Variants in CATSPERT observed in about 807,000 individuals in gnomAD.
CATSPERT encodes the protein catsper channel auxiliary subunit tau.
chr2:201,584,554 G>T, the CATSPERT span, among the ~76,000 whole-genome samples: 1 of 152,254 alleles, frequency 6.6e-6, no homozygotes, highest in South Asian at 2.1e-4. Flanking sequence ...GGAGGCCGAG[G>T]TGGGTGAATC....
chr2:201,539,464 T>G, the CATSPERT span, among the ~76,000 whole-genome samples: 2 of 152,056 alleles, frequency 1.3e-5, no homozygotes, highest in African/African-American at 4.8e-5. Context: ...ATGTGTGTCT[T>G]CTTTTGAAAA....
At chr2:201,581,836 G>A in the CATSPERT span, among the ~76,000 whole-genome samples, 6 of 151,396 alleles carry the variant, frequency 4.0e-5, no homozygotes, top group East Asian at 1.9e-4. Context: ...TCGAACTCCC[G>A]ACCTCAGTTG....
the CATSPERT span, chr2:201,495,974 TA>T: frequency 1.9e-6 from 3 of 1,549,088 alleles, no homozygotes; most frequent in African/African-American, 1.4e-5. Flanking sequence ...AGCCACCTTA[TA>T]AAAAAAGAAG....
the CATSPERT span, among the ~76,000 whole-genome samples, chr2:201,593,864 A>C: frequency 2.0e-5 from 3 of 151,750 alleles, no homozygotes; most frequent in South Asian, 2.1e-4. Flanking sequence ...TTTTGAGCCT[A>C]TGTGTGTCTC....
At chr2:201,510,524 GC>G in the CATSPERT span, among the ~76,000 whole-genome samples, 1 of 152,268 alleles carries the variant, frequency 6.6e-6, no homozygotes, top group East Asian at 1.9e-4. Context: ...CATCCTTGTA[GC>G]CTCTGAGGCA....
the CATSPERT span, chr2:201,550,000 A>G: frequency 6.6e-6 from 1 of 152,178 alleles, no homozygotes; most frequent in Non-Finnish European, 1.5e-5. Flanking sequence ...AATCCCTACA[A>G]CAGACCTTAA....
chr2:201,502,292 G>A, the CATSPERT span, among the ~76,000 whole-genome samples: 1 of 152,040 alleles, frequency 6.6e-6, no homozygotes, highest in African/African-American at 2.4e-5. Context: ...AAGAAGTCTG[G>A]GCCGGGTGCA....
At chr2:201,515,380 G>A in the CATSPERT span, among the ~76,000 whole-genome samples, 1 of 151,458 alleles carries the variant, frequency 6.6e-6, no homozygotes, top group Non-Finnish European at 1.5e-5. Context: ...GACCACAGGT[G>A]TGTACCACCA....
chr2:201,535,629 C>T, the CATSPERT span: 1 of 1,120,958 alleles, frequency 8.9e-7, no homozygotes. Flanking sequence ...ATTTGTATTA[C>T]TGGCATCTCA....
the CATSPERT span, among the ~76,000 whole-genome samples, chr2:201,599,421 C>T: frequency 6.6e-6 from 1 of 152,064 alleles, no homozygotes; most frequent in African/African-American, 2.4e-5. Flanking sequence ...AATATTATCT[C>T]TCAATTCTCC....
the CATSPERT span, among the ~76,000 whole-genome samples, chr2:201,510,699 C>T: frequency 6.0e-5 from 9 of 151,248 alleles, no homozygotes; most frequent in South Asian, 2.1e-4. Context: ...TAAGTTCTTA[C>T]GTCATATTAA....
the CATSPERT span, among the ~76,000 whole-genome samples, chr2:201,556,559 G>A: frequency 0.055 from 8,289 of 151,398 alleles, 271 homozygotes; most frequent in African/African-American, 0.08. Context: ...TAAGTGTTTG[G>A]CTCACATCTG....
the CATSPERT span, among the ~76,000 whole-genome samples, chr2:201,517,006 A>G: frequency 2.5e-4 from 38 of 150,606 alleles, no homozygotes; most frequent in Non-Finnish European, 4.9e-4. Flanking sequence ...CTGCCTCCGG[A>G]AAGCTCCCAG....
chr2:201,608,536 G>T, the CATSPERT span, among the ~76,000 whole-genome samples: 3 of 152,110 alleles, frequency 2.0e-5, no homozygotes, highest in African/African-American at 4.8e-5. Context: ...AAGAAAATAC[G>T]CTGGACACAG....
the CATSPERT span, among the ~76,000 whole-genome samples, chr2:201,605,448 A>G: frequency 1.3e-5 from 2 of 152,192 alleles, no homozygotes; most frequent in Admixed American, 6.5e-5. Flanking sequence ...AAAGAAGGAT[A>G]TAAGAGGGGA....
the CATSPERT span, among the ~76,000 whole-genome samples, chr2:201,581,512 A>C: frequency 1.1e-5 from 1 of 93,032 alleles, no homozygotes; most frequent in Non-Finnish European, 2.1e-5. Context: ...ATATATATAT[A>C]TATATATATA....
the CATSPERT span, chr2:201,494,680 T>C: frequency 6.5e-7 from 1 of 1,535,040 alleles, no homozygotes; most frequent in Non-Finnish European, 8.7e-7. Context: ...GTATATATCT[T>C]GATCTTTTCT....
chr2:201,526,154 C>CACA, the CATSPERT span, among the ~76,000 whole-genome samples: 5 of 152,096 alleles, frequency 3.3e-5, no homozygotes, highest in South Asian at 2.1e-4. Flanking sequence ...CTAGCAGAGA[C>CACA]ACAACAACAA....
At chr2:201,617,276 C>G in the CATSPERT span, among the ~76,000 whole-genome samples, 1 of 152,194 alleles carries the variant, frequency 6.6e-6, no homozygotes, top group Non-Finnish European at 1.5e-5. Flanking sequence ...AAGAACAAAG[C>G]TGGAGGCATC....
Sources: allele counts gnomAD v4.1 joint callset (sites outside exome capture counted in the v4.1 genomes callset), GRCh38; gene constraint gnomAD v4.1.1; transcripts MANE v1.5; gene names NCBI Gene and HGNC (gene_info 2026-07-23, HGNC 2026-07-21).